The following ZNF775 variants were observed in gnomAD, a reference collection of about 807,000 sequenced individuals.
The protein encoded by ZNF775 is zinc finger protein 775.
ZNF775 carries 1 observed loss-of-function variant against 2.4 expected under a neutral mutation model. That is an observed-to-expected ratio of 0.41 (90% CI 0.15 to 1.94). The LOEUF is 1.94. ZNF775 is among the 30% of genes most tolerant of loss of function. ZNF775 has a pLI of 0.30. For synonymous variants in ZNF775, 381 were observed against 373.3 expected, an observed-to-expected ratio of 1.02 and a Z score of -0.24; for missense variants, 823 against 826.6, an observed-to-expected ratio of 1.00 and a Z score of 0.05.
chr7:150,396,685 G>C lies in ZNF775; in HGVS notation c.204G>C (p.Glu68Asp). The change falls in exon 3 of 3, where the codon GAG becomes GAC. Residue 68 changes from glutamate to aspartate, a missense_variant. Glu to Asp is a conservative substitution (Grantham distance 45). Transcript: ENST00000329630. ...CTCGAGCCCTGGGGGGACAGGAGGA[G>C]TCTGGGAGTCCAAGGTGGGCCCCTC... ...GRPRALGGQE[E>D]SGSPRWAPPT... 1 of 1,607,784 alleles carries C rather than the reference G, an allele frequency of 6.2e-7. No individual in the cohort carries two copies.
intron 2 of ZNF775, among the ~76,000 whole-genome samples, chr7:150,389,794 T>A (rs1391793265): frequency 1.3e-5 from 2 of 152,162 alleles, no homozygotes; most frequent in African/African-American, 4.8e-5. Flanking sequence ...GAACCACTCA[T>A]CTGGAGGACC....
intron 2 of ZNF775, among the ~76,000 whole-genome samples, chr7:150,390,301 A>T (rs985976344): frequency 1.3e-5 from 2 of 151,886 alleles, no homozygotes; most frequent in Admixed American, 1.3e-4. Context: ...TGGACTTAGC[A>T]CCTCGCCCAA....
At chr7:150,396,241 C>T (rs1456729174) in intron 2 of ZNF775, among the ~76,000 whole-genome samples, 8 of 152,124 alleles carry the variant, frequency 5.3e-5, no homozygotes, top group African/African-American at 1.7e-4. Flanking sequence ...GATTCACTTA[C>T]GGTTCCTTTC....
At position 150,397,694 on chromosome 7, in the gene ZNF775, C is replaced by A; in HGVS notation, c.1213C>A (p.Gln405Lys). 5 of 1,364,936 alleles carry A rather than the reference C, an allele frequency of 3.7e-6. No individual in the cohort carries two copies. The highest frequency in any genetic ancestry group is 4.7e-6 in the Non-Finnish European group (5 of 1,067,266). 84.6% of individuals were successfully genotyped at this position (1,364,936 alleles called of 1,614,324 possible). A position where few individuals can be genotyped will look rare whatever the true frequency, so the allele number is the denominator to read the frequency against. Reference protein sequence around the residue: ...VPAGEPGDQPQAEAIPGLAAR... With the variant: ...VPAGEPGDQPKAEAIPGLAAR... The stretch of plus-strand genomic sequence containing the variant: ...GGCCGGGGAACCGGGCGACCAGCCG[C>A]AGGCCGAGGCCATCCCGGGCTTGGC... The change falls in exon 3 of 3, where the codon CAG (glutamine) becomes AAG (lysine). Residue 405 changes from glutamine to lysine, a missense_variant. By Grantham distance (53) the Gln-to-Lys change is moderately conservative. Coordinates refer to ENST00000329630, the MANE Select transcript of ZNF775 (RefSeq NM_173680.4).
Position 150,388,281 on chromosome 7 carries a change from T to G in ZNF775, c.-49-141T>G, listed in dbSNP as rs556273951. On this transcript the variant is annotated intron_variant, in intron 1 of 2. Transcript: ENST00000329630. ...GGTATGCTTACAATGAAAGAACCCCTGCCCATGTCGAATGTGGCTATGGAT... is the reference window on the plus strand; with the variant it reads ...GGTATGCTTACAATGAAAGAACCCCGGCCCATGTCGAATGTGGCTATGGAT... The G allele has an allele frequency of 1.2e-4, 76 of 625,086 alleles. 1 individual carries two copies. In the South Asian group the frequency reaches 1.4e-3, roughly 12 times the overall value. 38.7% of individuals were successfully genotyped at this position (625,086 alleles called of 1,614,324 possible). A position where few individuals can be genotyped will look rare whatever the true frequency, so the allele number is the denominator to read the frequency against.
chr7:150,379,892 G>T (rs574972050), intron 1 of ZNF775: 1 of 152,458 alleles, frequency 6.6e-6, no homozygotes, highest in African/African-American at 2.4e-5. Context: ...TAAGGATTGG[G>T]GGTGGAGATA....
intron 2 of ZNF775, among the ~76,000 whole-genome samples, chr7:150,395,674 T>C (rs1354354528): frequency 6.6e-6 from 1 of 152,208 alleles, no homozygotes; most frequent in South Asian, 2.1e-4. Context: ...CTGTGGCAGA[T>C]GGTTTCTTTA....
intron 1 of ZNF775, among the ~76,000 whole-genome samples, chr7:150,383,087 G>A (rs890099983): frequency 1.1e-4 from 16 of 152,204 alleles, no homozygotes; most frequent in Non-Finnish European, 1.9e-4. Flanking sequence ...GTGTTCTCAC[G>A]TAGTTTTGTG....
rs1409601753 is a variant in ZNF775 at position 150,397,661 on chromosome 7, G to T, written c.1180G>T (p.Ala394Ser). The change falls in exon 3 of 3, where the codon GCC (alanine) becomes TCC (serine). Residue 394 changes from alanine to serine, a missense_variant. Ala to Ser is a moderately conservative substitution (Grantham distance 99). Coordinates refer to ENST00000329630, the MANE Select transcript of ZNF775 (RefSeq NM_173680.4). ...GCGCGCCCACGCTGTCGCTGAGCCC[G>T]CCGTTCCGGCCGGGGAACCGGGCGA... ...HQRAHAVAEP[A>S]VPAGEPGDQP... 1 of 1,321,846 alleles carries T rather than the reference G, an allele frequency of 7.6e-7. No homozygotes were observed. The highest frequency in any genetic ancestry group is 9.6e-7 in the Non-Finnish European group (1 of 1,040,482). 81.9% of individuals were successfully genotyped at this position (1,321,846 alleles called of 1,614,324 possible).
chr7:150,386,013 G>A (rs1264711289), intron 1 of ZNF775, among the ~76,000 whole-genome samples: 1 of 152,064 alleles, frequency 6.6e-6, no homozygotes, highest in African/African-American at 2.4e-5. Flanking sequence ...TCGGCTCACT[G>A]CAACCTCTGC....
Position 150,397,462 on chromosome 7 carries a change from C to A in ZNF775, c.981C>A (p.His327Gln). 6.3e-7 allele frequency: 1 copy of A among 1,593,512 alleles called. No individual in the cohort carries two copies. The highest frequency in any genetic ancestry group is 8.5e-7 in the Non-Finnish European group (1 of 1,174,996). The change falls in exon 3 of 3, where the codon CAC becomes CAA. Residue 327 changes from histidine to glutamine, a missense_variant. Transcript: ENST00000329630. ...GCCAGAAGCCCAACTTGACGCGGCA[C>A]CTGCGCAACCACACAGGCGAGCGCC... is the stretch of plus-strand genomic sequence containing the variant. ...RFSQKPNLTR[H>Q]LRNHTGERPH... is the part of the protein sequence containing the mutation.
chr7:150,390,468 G>A (rs148028967), intron 2 of ZNF775, among the ~76,000 whole-genome samples: 27 of 152,286 alleles, frequency 1.8e-4, no homozygotes, highest in Admixed American at 2.6e-4. Context: ...CACAGCCACC[G>A]GTCTCAGATT....
Position 150,397,607 on chromosome 7 carries a change from C to T in ZNF775, c.1126C>T (p.Arg376Cys), listed in dbSNP as rs1235816009. ...CTGCCCCAGCTGCGGTAAGAGCTGC[C>T]GCAGCCGCGCCGCGCTGCGCGCCCA... Reference protein sequence around the residue: ...APCPSCGKSCRSRAALRAHQR... With the variant: ...APCPSCGKSCCSRAALRAHQR... Residue 376 changes from arginine to cysteine, a missense_variant, in exon 3 of 3, where the codon CGC becomes TGC. Physicochemically the swap from Arg to Cys is radical, Grantham distance 180. Coordinates refer to ENST00000329630, the MANE Select transcript of ZNF775 (RefSeq NM_173680.4). 5 of 1,433,174 alleles carry T rather than the reference C, an allele frequency of 3.5e-6. No homozygotes were observed. Among genetic ancestry groups the T allele is most frequent in the South Asian group, 2.7e-5 (2 of 74,302 alleles). The allele number at this position is 1,433,174 out of a possible 1,614,324, so 88.8% of individuals were successfully genotyped here.
Position 150,384,368 on chromosome 7 carries a change from C to T in ZNF775, c.-49-4054C>T, listed in dbSNP as rs79096723. 0.05 allele frequency among the ~76,000 whole-genome samples: 7,579 copies of T among 152,296 alleles called. 253 individuals are homozygous for T. The highest frequency in any genetic ancestry group is 0.082 in the South Asian group (394 of 4,828). On this transcript the variant is annotated intron_variant, in intron 1 of 2. Transcript: ENST00000329630. This position sits in a 1 kb window ranked among gnomAD's most constrained non-coding sequence, Gnocchi z 4.1. ...GGGGCGCTTTGCTGGGCAGCCTGCT[C>T]ACCTGGCTCCTGGGTGTCTCCAGGT...
At position 150,395,959 on chromosome 7, in the gene ZNF775, C is replaced by G. The variant is rs139718441; in HGVS notation, c.32-554C>G. Among the ~76,000 whole-genome samples, 316 of 152,292 alleles carry G rather than the reference C, an allele frequency of 2.1e-3. 8 individuals carry two copies. The East Asian group carries it at 0.051, about 24-fold the overall frequency. ...GGCTTCTGCCTTGGAGCAGGAGCCC[C>G]GACAGTATAGACGGTGCTGCAGTGA... On this transcript the variant is annotated intron_variant, in intron 2 of 2. Coordinates refer to ENST00000329630, the MANE Select transcript of ZNF775 (RefSeq NM_173680.4).
chr7:150,395,415 AATT>A (rs1213804428), intron 2 of ZNF775, among the ~76,000 whole-genome samples: 2 of 152,080 alleles, frequency 1.3e-5, no homozygotes, highest in Non-Finnish European at 2.9e-5. Flanking sequence ...ACCTACTTTT[AATT>A]ACATGTAAAC....
rs56067146 is a variant in ZNF775, at chr7:150,392,545, ATCTCTCTCTC to A, written c.32-3936_32-3927del. On this transcript the variant is annotated intron_variant, in intron 2 of 2. Coordinates refer to ENST00000329630, the MANE Select transcript of ZNF775 (RefSeq NM_173680.4). The stretch of plus-strand genomic sequence containing the variant: ...TTTATTTTCTTTTTTTCCCAAATGG[ATCTCTCTCTC>A]TCTCTCTCTCTCTCTCTCTCTCTCT... Among the ~76,000 whole-genome samples the A allele has an allele frequency of 7.2e-3, 987 of 136,470 alleles. 7 individuals are homozygous for A. Among genetic ancestry groups the A allele is most frequent in the African/African-American group, 0.016 (548 of 33,622 alleles). The allele number at this position is 136,470 out of a possible 152,430, so 89.5% of individuals were successfully genotyped here. A position where few individuals can be genotyped will look rare whatever the true frequency, so the allele number is the denominator to read the frequency against.
At chr7:150,387,734 T>C (rs964366031) in intron 1 of ZNF775, among the ~76,000 whole-genome samples, 5 of 151,328 alleles carry the variant, frequency 3.3e-5, no homozygotes, top group East Asian at 2.0e-4. Flanking sequence ...GGCGTGAACC[T>C]GGGAGGCGGA....
chr7:150,397,746 C>T lies in ZNF775; in HGVS notation c.1265C>T (p.Ser422Phe). 1 of 1,478,130 alleles carries T rather than the reference C, an allele frequency of 6.8e-7. No homozygotes were observed. The highest frequency in any genetic ancestry group is 2.6e-5 in the East Asian group (1 of 38,294). The allele number at this position is 1,478,130 out of a possible 1,614,324, so 91.6% of individuals were successfully genotyped here. The change falls in exon 3 of 3, where the codon TCC (serine) becomes TTC (phenylalanine). Residue 422 changes from serine to phenylalanine, a missense_variant. Transcript: ENST00000329630. ...GCGAGGCCGCGGAGCTCCCAACGGT[C>T]CCCGGGGGCCCGGGACACGCTGTGG... is the stretch of plus-strand genomic sequence containing the variant. ...LAARPRSSQR[S>F]PGARDTLWGR...
Sources: gnomAD v4.1 joint callset for allele counts (sites outside exome capture counted in the v4.1 genomes callset) on GRCh38, gnomAD v4.1.1 for gene constraint, Gnocchi (gnomAD v3.1) non-coding constraint, MANE v1.5 for transcripts, NCBI Gene and HGNC (gene_info 2026-07-23, HGNC 2026-07-21) for gene names.